The following DCST1 variants were observed in gnomAD, a reference collection of about 807,000 sequenced individuals.
The protein encoded by DCST1 is E3 ubiquitin-protein ligase DCST1.
In DCST1, 78 loss-of-function variants were observed where a neutral mutation model predicts 89.1. The ratio of observed to expected loss-of-function variants is 0.88; its 90% confidence interval spans 0.73 to 1.06. DCST1 has a LOEUF of 1.06. DCST1 is among the 50% of genes least tolerant of loss of function. The pLI, the probability that DCST1 is intolerant of heterozygous loss-of-function variation, is 0.00. For synonymous variants in DCST1, 364 were observed against 371.9 expected (o/e 0.98, Z 0.24); for missense variants, 900 against 928.6 (o/e 0.97, Z 0.40).
chr1:155,044,373 T>G (rs1660538845), intron 10 of DCST1, among the ~76,000 whole-genome samples: 1 of 148,984 alleles, frequency 6.7e-6, no homozygotes, highest in Non-Finnish European at 1.5e-5. Context: ...TCCCAGCTAC[T>G]TGGGAGGCTG....
intron 2 of DCST1, 137 bp from the exon 3 acceptor site, chr1:155,034,298 C>T: frequency 6.3e-7 from 1 of 1,596,294 alleles, no homozygotes; most frequent in Non-Finnish European, 8.5e-7. Flanking sequence ...CCCTCATCCT[C>T]CTCCAGGGTC....
At chr1:155,034,922 C>A in intron 4 of DCST1, 195 bp downstream of exon 4, 1 of 618,112 alleles carries the variant, frequency 1.6e-6, no homozygotes, top group Non-Finnish European at 2.9e-6. Context: ...CCGTCCTTGC[C>A]CTGAGGGAGT....
intron 14 of DCST1, 150 bp downstream of exon 14, chr1:155,047,462 A>G (rs1660690635): frequency 5.5e-6 from 4 of 723,068 alleles, no homozygotes; most frequent in Non-Finnish European, 9.3e-6. Flanking sequence ...AGCAGGGAAC[A>G]CATCTGGGCA....
chr1:155,034,164 C>T, intron 2 of DCST1, 67 bp downstream of exon 2: 2 of 1,593,638 alleles, frequency 1.3e-6, no homozygotes, highest in South Asian at 1.1e-5. Context: ...CCTCCTGGAA[C>T]TCCTGCACAC....
At chr1:155,038,732 A>G (rs2102352729) in intron 4 of DCST1, among the ~76,000 whole-genome samples, 1 of 152,268 alleles carries the variant, frequency 6.6e-6, no homozygotes, top group African/African-American at 2.4e-5. Flanking sequence ...TCCCTGAAGA[A>G]ATACGTACTC....
In DCST1 at chr1:155,039,861, C is replaced by T. The variant is rs544800695; in HGVS notation, c.391+330C>T. 2.0e-5 allele frequency among the ~76,000 whole-genome samples: 3 copies of T among 152,020 alleles called. No individual in the cohort carries two copies. The South Asian group carries it at 6.2e-4, about 32-fold the overall frequency. ...CAAAAATTAGCCAGGCATGGTGGTG[C>T]ACACCTATAGTCCCAGCTATTCGGG... On this transcript the variant is annotated intron_variant, in intron 5 of 16. Coordinates refer to ENST00000295542, the MANE Select transcript of DCST1 (RefSeq NM_152494.4).
At chr1:155,039,607 T>C in intron 5 of DCST1, 76 bp downstream of exon 5, 1 of 1,454,206 alleles carries the variant, frequency 6.9e-7, no homozygotes, top group Non-Finnish European at 9.1e-7. Context: ...CCAGGCCGGG[T>C]GAAGGAGAAA....
In DCST1 at chr1:155,039,467, C is replaced by T; in HGVS notation, c.327C>T (p.Pro109=). The part of the protein sequence containing the change: ...HIRCASLLLV[P]KMLGKEGRLF... ...GCTGTGCCAGCCTCCTACTAGTACC[C>T]AAGATGCTGGGCAAGGAAGGCAGGC... Residue 109 remains proline, a synonymous_variant, in exon 5 of 17, where the codon CCC becomes CCT. Transcript: ENST00000295542. 1 of 1,602,326 alleles carries T rather than the reference C, an allele frequency of 6.2e-7. No homozygotes were observed. The highest frequency in any genetic ancestry group is 8.5e-7 in the Non-Finnish European group (1 of 1,174,246).
intron 16 of DCST1, 63 bp from the exon 17 acceptor site, chr1:155,050,554 T>C: frequency 6.7e-7 from 1 of 1,486,940 alleles, no homozygotes. Flanking sequence ...CAGGAAACGC[T>C]GTCCAGTTCC....
intron 13 of DCST1, 102 bp downstream of exon 13, chr1:155,046,588 G>A (rs532704600): frequency 5.7e-5 from 52 of 913,956 alleles, no homozygotes; most frequent in Middle Eastern, 3.7e-4. Flanking sequence ...ACTGTGCCTC[G>A]TCCTTCTGCC....
chr1:155,039,624 G>A, intron 5 of DCST1, 93 bp downstream of exon 5: 1 of 1,431,012 alleles, frequency 7.0e-7, no homozygotes, highest in Non-Finnish European at 9.3e-7. Context: ...GAAAAGACAG[G>A]AGTGTCATCC....
At chr1:155,047,506 CAG>C (rs1660692207) in intron 14 of DCST1, among the ~76,000 whole-genome samples, 194 bp downstream of exon 14, 1 of 152,210 alleles carries the variant, frequency 6.6e-6, no homozygotes, top group Non-Finnish European at 1.5e-5. Flanking sequence ...CAGCTTCAGT[CAG>C]AGGAGTCTGG....
At chr1:155,047,757 G>C (rs1329794617) in intron 14 of DCST1, 30 bp from the exon 15 acceptor site, 30 of 1,608,170 alleles carry the variant, frequency 1.9e-5, no homozygotes, top group Non-Finnish European at 2.5e-5. Context: ...GGCTGGTCCT[G>C]ACCAGACCCC....
chr1:155,048,204 T>C (rs1660723306), intron 16 of DCST1, 34 bp downstream of exon 16: 1 of 1,585,346 alleles, frequency 6.3e-7, no homozygotes, highest in Non-Finnish European at 8.6e-7. Context: ...TGCCAGCTCC[T>C]GGCTGGGTCT....
intron 4 of DCST1, among the ~76,000 whole-genome samples, chr1:155,037,273 A>G (rs915523240): frequency 1.1e-4 from 17 of 152,020 alleles, no homozygotes; most frequent in African/African-American, 4.1e-4. Flanking sequence ...TCTAGTCTAC[A>G]GAGACCAGGC....
intron 5 of DCST1, among the ~76,000 whole-genome samples, chr1:155,039,990 C>CAAAAAAAAA (rs55764638): frequency 1.5e-4 from 2 of 13,396 alleles, no homozygotes; most frequent in African/African-American, 4.0e-4. Context: ...GACTCCGTCT[C>CAAAAAAAAA]AAAAAAAAAA....
chr1:155,050,756 G>A lies in DCST1; in HGVS notation c.2009G>A (p.Cys670Tyr), dbSNP rs1660913557. Residue 670 changes from cysteine to tyrosine, a missense_variant, in exon 17 of 17, where the codon TGC becomes TAC. By Grantham distance (194) the Cys-to-Tyr change is radical. Transcript: ENST00000295542. ...CRTLDCEAVY[C>Y]WSCWDDMRQR... is the part of the protein sequence containing the mutation. ...ACGCTGGACTGCGAGGCCGTGTACTGCTGGTCGTGCTGGGACGACATGCGG... is the reference window on the plus strand; with the variant it reads ...ACGCTGGACTGCGAGGCCGTGTACTACTGGTCGTGCTGGGACGACATGCGG... 3 of 1,611,210 alleles carry A rather than the reference G, an allele frequency of 1.9e-6. No individual in the cohort carries two copies. The highest frequency in any genetic ancestry group is 1.3e-5 in the African/African-American group (1 of 74,854).
In DCST1 at chr1:155,050,849, A is replaced by C; in HGVS notation, c.2102A>C (p.Asp701Ala). The change falls in exon 17 of 17, where the codon GAC becomes GCC. Residue 701 changes from aspartate (D) to alanine (A), a missense_variant. Coordinates refer to ENST00000295542, the MANE Select transcript of DCST1 (RefSeq NM_152494.4). ...SSSAFSDSND[D>A]TAYAG ...TCCGCCTTTAGTGACAGCAACGACG[A>C]CACTGCCTACGCGGGGTGAAGAGGC... is the stretch of plus-strand genomic sequence containing the variant. 6.2e-7 allele frequency: 1 copy of C among 1,611,730 alleles called. No homozygotes were observed. Among genetic ancestry groups the C allele is most frequent in the South Asian group, 1.1e-5 (1 of 91,012 alleles).
chr1:155,042,105 T>C (rs1387739862), intron 8 of DCST1, among the ~76,000 whole-genome samples: 1 of 152,194 alleles, frequency 6.6e-6, no homozygotes, highest in Non-Finnish European at 1.5e-5. Flanking sequence ...TGCATTAATT[T>C]TTTTTTTTGA....
Sources: allele counts gnomAD v4.1 joint callset (sites outside exome capture counted in the v4.1 genomes callset), GRCh38; gene constraint gnomAD v4.1.1; transcripts MANE v1.5; gene names NCBI Gene and HGNC (gene_info 2026-07-23, HGNC 2026-07-21).